ATAD2B: variants seen among roughly 807,000 people sequenced by gnomAD.
ATAD2B encodes ATPase family AAA domain containing 2B.
ATAD2B carries 40 observed loss-of-function variants against 167.6 expected under a neutral mutation model. The ratio of observed to expected loss-of-function variants is 0.24; its 90% CI spans 0.19 to 0.31. ATAD2B has a LOEUF of 0.31. ATAD2B is among the 10% of genes least tolerant of loss of function. The pLI is 1.00. For missense variants in ATAD2B, 1,242 were observed against 1,757.2 expected (o/e 0.71, Z 5.24); for synonymous variants, 579 against 596.5 (o/e 0.97, Z 0.43).
the ATAD2B span, among the ~76,000 whole-genome samples, chr2:23,719,279 C>T: frequency 6.6e-6 from 1 of 152,122 alleles, no homozygotes; most frequent in Non-Finnish European, 1.5e-5. Context: ...TCAAAATGTT[C>T]AGGACACAAT....
At chr2:23,909,451 T>TATAC (rs1553456325) in intron 1 of ATAD2B, among the ~76,000 whole-genome samples, 24 of 149,156 alleles carry the variant, frequency 1.6e-4, no homozygotes, top group Non-Finnish European at 2.8e-4. Context: ...TATATATATA[T>TATAC]ACACACACAC....
At chr2:23,874,384 A>G (rs766625244) in intron 8 of ATAD2B, among the ~76,000 whole-genome samples, 1 of 152,140 alleles carries the variant, frequency 6.6e-6, no homozygotes, top group South Asian at 2.1e-4. Flanking sequence ...CAGTAAAAGC[A>G]TAAGCACAAA....
intron 13 of ATAD2B, among the ~76,000 whole-genome samples, chr2:23,850,650 G>C (rs1692426610): frequency 6.6e-6 from 1 of 152,154 alleles, no homozygotes; most frequent in Non-Finnish European, 1.5e-5. Context: ...GGGAGATAGG[G>C]AGGGCTCTGC....
intron 14 of ATAD2B, among the ~76,000 whole-genome samples, chr2:23,833,248 C>A (rs1201345340): frequency 6.6e-6 from 1 of 152,136 alleles, no homozygotes; most frequent in Non-Finnish European, 1.5e-5. Flanking sequence ...ACATAGAGGT[C>A]CAAAAACAAA....
At chr2:23,844,698 A>G (rs972020375) in intron 13 of ATAD2B, among the ~76,000 whole-genome samples, 2 of 152,216 alleles carry the variant, frequency 1.3e-5, no homozygotes, top group African/African-American at 4.8e-5. Flanking sequence ...CACAGAAAAG[A>G]TAATTTAAAG....
At position 23,828,909 on chromosome 2, in the gene ATAD2B, T is replaced by C; in HGVS notation, c.1759A>G (p.Arg587Gly). The part of the protein sequence containing the change: ...ARKHILQIHT[R>G]DWNPKLSDAF... ...TCTGACAATTTTGGATTCCAGTCCCTGGTATGGATCTGTAAGATGTGTTTT... is the reference window on the plus strand; with the variant it reads ...TCTGACAATTTTGGATTCCAGTCCCCGGTATGGATCTGTAAGATGTGTTTT... The change falls in exon 15 of 28, where the codon AGG becomes GGG. Residue 587 changes from arginine (R) to glycine (G), a missense_variant. Physicochemically the swap from Arg to Gly is moderately radical, Grantham distance 125. Around this residue, in one of 9 missense-constraint regions of ATAD2B, gnomAD observed 151 missense variants for 284.1 expected, o/e 0.53. Transcript: ENST00000238789. 3 of 1,609,104 alleles carry C rather than the reference T, an allele frequency of 1.9e-6. No individual in the cohort carries two copies. In the South Asian group the frequency reaches 3.3e-5, roughly 18 times the overall value.
chr2:23,889,583 C>T (rs1477263396), intron 2 of ATAD2B, among the ~76,000 whole-genome samples: 1 of 152,098 alleles, frequency 6.6e-6, no homozygotes, highest in Non-Finnish European at 1.5e-5. Flanking sequence ...TCACAATACC[C>T]CTGGCCCAGC....
chr2:23,859,765 T>C (rs1020482586), intron 12 of ATAD2B, among the ~76,000 whole-genome samples: 2 of 151,580 alleles, frequency 1.3e-5, no homozygotes, highest in South Asian at 2.1e-4. Flanking sequence ...CTGGTCAACA[T>C]GGTGAAACGC....
At chr2:23,912,404 G>A (rs1702440436) in intron 1 of ATAD2B, among the ~76,000 whole-genome samples, 2 of 151,968 alleles carry the variant, frequency 1.3e-5, no homozygotes, top group African/African-American at 2.4e-5. Flanking sequence ...CTACTTGGGA[G>A]GCTGAGACAG....
intron 17 of ATAD2B, 50 bp downstream of exon 17, chr2:23,819,697 A>T (rs772386338): frequency 7.2e-7 from 1 of 1,379,350 alleles, no homozygotes; most frequent in East Asian, 2.4e-5. Flanking sequence ...CTAATCATAA[A>T]GTATCAAAAA....
the ATAD2B span, among the ~76,000 whole-genome samples, chr2:23,740,991 A>G: frequency 6.6e-6 from 1 of 152,216 alleles, no homozygotes; most frequent in Non-Finnish European, 1.5e-5. Flanking sequence ...AATCCAACTT[A>G]CAAGGGATGT....
At chr2:23,703,130 C>T in the ATAD2B span, 44 of 1,302,674 alleles carry the variant, frequency 3.4e-5, no homozygotes, top group East Asian at 1.1e-3. Context: ...TGCTTGTGAC[C>T]TCTGCCCCGC....
chr2:23,815,462 G>A (rs925519983), intron 17 of ATAD2B, among the ~76,000 whole-genome samples: 5 of 152,300 alleles, frequency 3.3e-5, no homozygotes, highest in East Asian at 1.9e-4. Context: ...GAGAAGGGGC[G>A]TATGATACAG....
chr2:23,820,976 T>C (rs140237490), intron 16 of ATAD2B, among the ~76,000 whole-genome samples: 1 of 152,112 alleles, frequency 6.6e-6, no homozygotes, highest in Non-Finnish European at 1.5e-5. Context: ...AAATATTTAG[T>C]ACAAGTCATA....
At chr2:23,827,001 A>G (rs947834216) in intron 15 of ATAD2B, among the ~76,000 whole-genome samples, 2 of 152,210 alleles carry the variant, frequency 1.3e-5, no homozygotes, top group African/African-American at 4.8e-5. Flanking sequence ...TTCATGTTAA[A>G]ACATGTTTGG....
intron 5 of ATAD2B, among the ~76,000 whole-genome samples, chr2:23,885,456 T>C (rs1698528486): frequency 6.6e-6 from 1 of 152,164 alleles, no homozygotes; most frequent in Admixed American, 6.6e-5. Context: ...AAAAAACCAT[T>C]AATGGTTCAA....
At chr2:23,812,157 T>C (rs546718614) in intron 17 of ATAD2B, among the ~76,000 whole-genome samples, 1 of 152,036 alleles carries the variant, frequency 6.6e-6, no homozygotes, top group Non-Finnish European at 1.5e-5. Flanking sequence ...CTGTAAAGGA[T>C]ATCATTATGT....
At chr2:23,866,161 T>A (rs1695095943) in intron 10 of ATAD2B, among the ~76,000 whole-genome samples, 1 of 152,212 alleles carries the variant, frequency 6.6e-6, no homozygotes, top group South Asian at 2.1e-4. Flanking sequence ...ATCCTAACAT[T>A]TTGGGAGGCC....
chr2:23,815,185 G>A (rs771418049), intron 17 of ATAD2B, among the ~76,000 whole-genome samples: 2 of 152,194 alleles, frequency 1.3e-5, no homozygotes, highest in Non-Finnish European at 2.9e-5. Context: ...GTCAGTATGG[G>A]AAAGGGTTTT....
Sources: allele counts gnomAD v4.1 joint callset (sites outside exome capture counted in the v4.1 genomes callset), GRCh38; gene constraint gnomAD v4.1.1; regional missense constraint gnomAD v4.1.1; transcripts MANE v1.5; gene names NCBI Gene and HGNC (gene_info 2026-07-23, HGNC 2026-07-21).